The following ASIC2 variants were observed in gnomAD, a reference collection of about 807,000 sequenced individuals.
ASIC2 encodes the protein acid-sensing ion channel 2.
ASIC2 carries 25 observed loss-of-function variants against 57.3 expected under a neutral mutation model. The observed-to-expected ratio is 0.44, with a 90% CI of 0.32 to 0.61. The LOEUF (loss-of-function observed/expected upper bound fraction) is 0.61. Among genes scored for constraint, ASIC2 ranks in the 20% least tolerant of loss-of-function variants. ASIC2 has a pLI of 0.06. For synonymous variants in ASIC2, 319 were observed against 307.5 expected (o/e 1.04, Z -0.39); for missense variants, 641 against 738.1 (o/e 0.87, Z 1.52).
intron 1 of ASIC2, among the ~76,000 whole-genome samples, chr17:34,102,156 C>A (rs1168471550): frequency 6.6e-6 from 1 of 151,734 alleles, no homozygotes; most frequent in East Asian, 1.9e-4. Context: ...ATGGTGAAAC[C>A]CTGTCTCTAC....
intron 1 of ASIC2, among the ~76,000 whole-genome samples, chr17:33,469,545 G>A (rs1912974167): frequency 6.6e-6 from 1 of 152,158 alleles, no homozygotes; most frequent in Admixed American, 6.5e-5. Context: ...TGACCATCAT[G>A]AGTAATCCTT....
At chr17:33,081,781 C>T (rs1006654495) in intron 3 of ASIC2, among the ~76,000 whole-genome samples, 3 of 152,180 alleles carry the variant, frequency 2.0e-5, no homozygotes, top group African/African-American at 4.8e-5. Context: ...GTGAGGGATA[C>T]TGTTTCTTCT....
chr17:33,778,673 C>T (rs1044046127), intron 1 of ASIC2, among the ~76,000 whole-genome samples: 1 of 152,208 alleles, frequency 6.6e-6, no homozygotes, highest in African/African-American at 2.4e-5. Flanking sequence ...CTTCACTTCT[C>T]TACTGGGTAG....
chr17:33,790,297 G>T (rs1911732042), intron 1 of ASIC2, among the ~76,000 whole-genome samples: 1 of 152,086 alleles, frequency 6.6e-6, no homozygotes, highest in African/African-American at 2.4e-5. Flanking sequence ...GACCAACTAT[G>T]CTAGACAAAA....
intron 1 of ASIC2, among the ~76,000 whole-genome samples, chr17:33,330,999 C>T (rs2142225740): frequency 6.6e-6 from 1 of 152,248 alleles, no homozygotes; most frequent in East Asian, 1.9e-4. Flanking sequence ...CAGACTGATG[C>T]TTGTTATGAA....
chr17:33,821,675 T>C (rs1167911995), intron 1 of ASIC2, among the ~76,000 whole-genome samples: 1 of 152,198 alleles, frequency 6.6e-6, no homozygotes, highest in Admixed American at 6.5e-5. Flanking sequence ...ATAATATTTC[T>C]CCTATTTATC....
At chr17:34,114,947 C>T (rs1258495980) in intron 1 of ASIC2, among the ~76,000 whole-genome samples, 1 of 152,140 alleles carries the variant, frequency 6.6e-6, no homozygotes, top group Admixed American at 6.5e-5. Context: ...CTAATGAGCA[C>T]CCCGTGATTA....
At chr17:34,025,286 C>G (rs1907331873) in intron 1 of ASIC2, among the ~76,000 whole-genome samples, 1 of 152,340 alleles carries the variant, frequency 6.6e-6, no homozygotes, top group Admixed American at 6.5e-5. Context: ...ATCATAGAAC[C>G]TTTAAAGAAT....
At chr17:33,573,722 C>T (rs918344257) in intron 1 of ASIC2, among the ~76,000 whole-genome samples, 5 of 152,108 alleles carry the variant, frequency 3.3e-5, no homozygotes, top group South Asian at 2.1e-4. Flanking sequence ...CATACCACCA[C>T]GCCCCGCTAA....
chr17:34,137,258 C>A (rs1208137111), intron 1 of ASIC2, among the ~76,000 whole-genome samples: 4 of 152,172 alleles, frequency 2.6e-5, no homozygotes, highest in Non-Finnish European at 5.9e-5. Flanking sequence ...AATAAGTGGA[C>A]ATCAGGTTGA....
intron 1 of ASIC2, among the ~76,000 whole-genome samples, chr17:33,559,051 C>A (rs1016252733): frequency 2.0e-5 from 3 of 152,160 alleles, no homozygotes; most frequent in Non-Finnish European, 4.4e-5. Context: ...AGCCACCATG[C>A]CTGGCTGACA....
chr17:33,920,389 G>A (rs1260846501), intron 1 of ASIC2, among the ~76,000 whole-genome samples: 4 of 152,132 alleles, frequency 2.6e-5, no homozygotes, highest in African/African-American at 9.7e-5. Context: ...GAAAAGAATG[G>A]AGTCATGTCC....
rs5820015 is a variant in ASIC2 at position 33,087,575 on chromosome 17, G to GTTTTTTTTT, written c.987+1279_987+1287dup. 6.8e-4 allele frequency among the ~76,000 whole-genome samples: 76 copies of GTTTTTTTTT among 111,038 alleles called. 4 individuals are homozygous for GTTTTTTTTT. Among genetic ancestry groups the GTTTTTTTTT allele is most frequent in the African/African-American group, 2.6e-3 (71 of 27,712 alleles). 72.8% of individuals were successfully genotyped at this position (111,038 alleles called of 152,430 possible). A position where few individuals can be genotyped will look rare whatever the true frequency, so the allele number is the denominator to read the frequency against. On this transcript the variant is annotated intron_variant, in intron 3 of 9. Transcript: ENST00000225823. ...GCTCACGTATAGATTTACAACCAGT[G>GTTTTTTTTT]TTTTTTTTTTTTTTTTTTTTGAGAC... is the stretch of plus-strand genomic sequence containing the variant.
In ASIC2 at chr17:33,547,866, G is replaced by C. The variant is rs1321601756; in HGVS notation, c.556-435799C>G. 2.0e-5 allele frequency among the ~76,000 whole-genome samples: 3 copies of C among 152,138 alleles called. No homozygotes were observed. In the East Asian group the frequency reaches 5.8e-4, roughly 29 times the overall value. Reference sequence around the variant, plus strand: ...GTTCCTCAGTTCCAGCACTGCCCAGGCACACAGTAGGTCTCAATGCCTAAA... The same window carrying C: ...GTTCCTCAGTTCCAGCACTGCCCAGCCACACAGTAGGTCTCAATGCCTAAA... On this transcript the variant is annotated intron_variant, in intron 1 of 9. Coordinates refer to the ASIC2 transcript ENST00000359872.
intron 1 of ASIC2, among the ~76,000 whole-genome samples, chr17:33,948,295 G>A (rs34375404): frequency 0.028 from 4,239 of 152,272 alleles, 193 homozygotes; most frequent in African/African-American, 0.088. Flanking sequence ...AGCCTCACTC[G>A]GCACCACAGA....
At chr17:33,700,098 A>C (rs574197654) in intron 1 of ASIC2, among the ~76,000 whole-genome samples, 10 of 152,282 alleles carry the variant, frequency 6.6e-5, no homozygotes, top group African/African-American at 1.9e-4. Context: ...AGCCACTTGG[A>C]TATAGAATAT....
Position 33,063,113 on chromosome 17 carries a change from C to T in ASIC2, c.987+25750G>A, listed in dbSNP as rs532222007. Among the ~76,000 whole-genome samples, 87 of 152,286 alleles carry T rather than the reference C, an allele frequency of 5.7e-4. 1 individual carries two copies. Among genetic ancestry groups the T allele is most frequent in the African/African-American group, 2.0e-3 (82 of 41,580 alleles). On this transcript the variant is annotated intron_variant, in intron 3 of 9. Coordinates refer to ENST00000225823, the MANE Select transcript of ASIC2 (RefSeq NM_183377.2). ...ACACTGATGGGTCTTGACTCGTTAT[C>T]CAATTTGCCAGTCTGTGTCTTTTAA...
At chr17:33,458,500 C>T (rs938220193) in intron 1 of ASIC2, among the ~76,000 whole-genome samples, 5 of 152,240 alleles carry the variant, frequency 3.3e-5, no homozygotes, top group Middle Eastern at 3.4e-3. Flanking sequence ...GAAGTTGGAC[C>T]GTTGGGTTTG....
Position 33,034,707 on chromosome 17 carries a change from C to T in ASIC2, c.988-6315G>A, listed in dbSNP as rs1266094080. Among the ~76,000 whole-genome samples the T allele has an allele frequency of 3.9e-5, 6 of 152,062 alleles. 1 individual carries two copies. The highest frequency in any genetic ancestry group is 2.6e-4 in the Admixed American group (4 of 15,280). On this transcript the variant is annotated intron_variant, in intron 3 of 9. Coordinates refer to ENST00000225823, the MANE Select transcript of ASIC2 (RefSeq NM_183377.2). ...TCAGTCATATTCTTTTTATTGTTCC[C>T]TGCAGGTATTATGCCCCCTTTTCTC...
Sources: gnomAD v4.1 joint callset for allele counts (sites outside exome capture counted in the v4.1 genomes callset) on GRCh38, gnomAD v4.1.1 for gene constraint, MANE v1.5 for transcripts, NCBI Gene and HGNC (gene_info 2026-07-23, HGNC 2026-07-21) for gene names.